The following RBMS3 variants were observed in gnomAD, a reference collection of about 807,000 sequenced individuals.
RBMS3 encodes RNA binding motif single stranded interacting protein 3.
A neutral mutation model predicts 66.8 loss-of-function variants in RBMS3; 27 were observed. That is an observed-to-expected ratio of 0.40 (90% CI 0.30 to 0.56). RBMS3 has a LOEUF of 0.56. Ranked by LOEUF, RBMS3 falls within the 20% of genes least tolerant of loss-of-function variation. RBMS3 has a pLI of 0.40. For synonymous variants in RBMS3, 188 were observed against 183.0 expected (o/e 1.03, Z -0.22); for missense variants, 513 against 549.5 (o/e 0.93, Z 0.66).
At chr3:29,718,768 A>C (rs2053517394) in intron 4 of RBMS3, among the ~76,000 whole-genome samples, 1 of 152,302 alleles carries the variant, frequency 6.6e-6, no homozygotes, top group Middle Eastern at 3.4e-3. Context: ...AGGTAGGCCA[A>C]GGAGATGTGC....
chr3:29,887,992 A>G (rs2059912469), intron 8 of RBMS3, among the ~76,000 whole-genome samples: 1 of 151,788 alleles, frequency 6.6e-6, no homozygotes. Context: ...AGCCTAGAAC[A>G]CAGTGAGCAT....
intron 5 of RBMS3, among the ~76,000 whole-genome samples, chr3:29,742,944 G>T (rs1007703151): frequency 1.5e-4 from 23 of 152,162 alleles, no homozygotes; most frequent in African/African-American, 5.3e-4. Context: ...TTCAAGTCAA[G>T]CCACTGATTT....
intron 7 of RBMS3, among the ~76,000 whole-genome samples, chr3:29,877,719 T>C (rs1478809684): frequency 6.6e-6 from 1 of 152,056 alleles, no homozygotes; most frequent in Non-Finnish European, 1.5e-5. Flanking sequence ...AACAAACCAT[T>C]CAGTAGTCTC....
At chr3:29,405,032 A>T (rs966712155) in intron 1 of RBMS3, among the ~76,000 whole-genome samples, 1 of 152,042 alleles carries the variant, frequency 6.6e-6, no homozygotes, top group African/African-American at 2.4e-5. Flanking sequence ...AACCACAATA[A>T]CCATGGATAA....
chr3:29,730,482 G>A (rs2054084162), intron 4 of RBMS3, among the ~76,000 whole-genome samples: 2 of 152,130 alleles, frequency 1.3e-5, no homozygotes, highest in Non-Finnish European at 2.9e-5. Flanking sequence ...ATATAAAAAT[G>A]TTTTGCATCT....
At chr3:29,667,446 A>C (rs953117792) in intron 4 of RBMS3, among the ~76,000 whole-genome samples, 3 of 152,150 alleles carry the variant, frequency 2.0e-5, no homozygotes, top group Non-Finnish European at 4.4e-5. Flanking sequence ...CAAAACTCTG[A>C]GAGTGGGGCC....
intron 6 of RBMS3, among the ~76,000 whole-genome samples, chr3:29,781,109 T>TC (rs2056616855): frequency 1.7e-5 from 2 of 118,374 alleles, no homozygotes; most frequent in South Asian, 7.1e-4. Flanking sequence ...ATGCTATCCC[T>TC]CCCCCCTCCC....
At chr3:29,764,530 G>A (rs1458426939) in intron 6 of RBMS3, among the ~76,000 whole-genome samples, 1 of 151,820 alleles carries the variant, frequency 6.6e-6, no homozygotes, top group East Asian at 1.9e-4. Flanking sequence ...GTTCAAACTA[G>A]GTGTAAATTA....
rs749839563 is a variant in RBMS3 at position 29,648,263 on chromosome 3, A to ATTTTTTTTT, written c.399+61072_399+61080dup. Among the ~76,000 whole-genome samples the ATTTTTTTTT allele has an allele frequency of 6.2e-4, 48 of 77,636 alleles. 2 individuals are homozygous for ATTTTTTTTT. The highest frequency in any genetic ancestry group is 2.5e-3 in the East Asian group (6 of 2,440). 50.9% of individuals were successfully genotyped at this position (77,636 alleles called of 152,430 possible). A position where few individuals can be genotyped will look rare whatever the true frequency, so the allele number is the denominator to read the frequency against. ...AACATAGGGAAAATAGAAAATGTCTATTTTTTTTTTTTTTTTTTTTTTGCG... is the reference window on the plus strand; with the variant it reads ...AACATAGGGAAAATAGAAAATGTCTATTTTTTTTTTTTTTTTTTTTTTTTTTTTTTTGCG... On this transcript the variant is annotated intron_variant, in intron 4 of 14. Transcript: ENST00000383767.
chr3:29,313,964 G>T (rs879784393), intron 1 of RBMS3, among the ~76,000 whole-genome samples: 1 of 151,674 alleles, frequency 6.6e-6, no homozygotes, highest in Non-Finnish European at 1.5e-5. Flanking sequence ...CAAATACACA[G>T]AAATCTCCTT....
At chr3:29,381,415 A>G (rs1363432448) in intron 1 of RBMS3, among the ~76,000 whole-genome samples, 2 of 152,144 alleles carry the variant, frequency 1.3e-5, no homozygotes, top group Admixed American at 6.5e-5. Flanking sequence ...GTACTCTTCT[A>G]GCTGTAACCT....
intron 12 of RBMS3, among the ~76,000 whole-genome samples, chr3:29,955,235 G>A (rs993052863): frequency 1.8e-4 from 28 of 151,870 alleles, no homozygotes; most frequent in Admixed American, 6.6e-5. Flanking sequence ...CGAAGTGAAG[G>A]GGTATGTGTC....
intron 6 of RBMS3, among the ~76,000 whole-genome samples, chr3:29,798,595 TG>T (rs2057291242): frequency 1.3e-5 from 2 of 152,072 alleles, no homozygotes; most frequent in Admixed American, 1.3e-4. Context: ...GAATAGGAGG[TG>T]TTTCCTAGAA....
chr3:29,382,016 G>A (rs1037145617), intron 1 of RBMS3, among the ~76,000 whole-genome samples: 2 of 152,072 alleles, frequency 1.3e-5, no homozygotes, highest in Non-Finnish European at 2.9e-5. Context: ...AACTTCTGAT[G>A]AAAAATCAGT....
intron 1 of RBMS3, among the ~76,000 whole-genome samples, chr3:29,409,247 C>T (rs1270363573): frequency 6.6e-6 from 1 of 152,164 alleles, no homozygotes; most frequent in Non-Finnish European, 1.5e-5. Context: ...CTCTGCTCCA[C>T]GTGGTACCAA....
At chr3:29,609,357 G>C (rs762577012) in intron 4 of RBMS3, among the ~76,000 whole-genome samples, 18 of 151,886 alleles carry the variant, frequency 1.2e-4, no homozygotes, top group Non-Finnish European at 1.2e-4. Context: ...CTCAATGAAA[G>C]AACTGATGAA....
At chr3:29,607,800 C>G (rs1559505668) in intron 4 of RBMS3, among the ~76,000 whole-genome samples, 1 of 151,822 alleles carries the variant, frequency 6.6e-6, no homozygotes, top group African/African-American at 2.4e-5. Context: ...AAAATCTAAC[C>G]AATTAATTAA....
chr3:29,729,582 G>A (rs1181246203), intron 4 of RBMS3, among the ~76,000 whole-genome samples: 1 of 152,058 alleles, frequency 6.6e-6, no homozygotes, highest in Non-Finnish European at 1.5e-5. Context: ...TACAATGGTT[G>A]AACTAATTTA....
At chr3:29,846,837 A>T (rs2058792269) in intron 6 of RBMS3, among the ~76,000 whole-genome samples, 1 of 152,192 alleles carries the variant, frequency 6.6e-6, no homozygotes, top group African/African-American at 2.4e-5. Flanking sequence ...ACAAAGAGGA[A>T]TTTTTACTAA....
Sources: allele counts gnomAD v4.1 joint callset (sites outside exome capture counted in the v4.1 genomes callset), GRCh38; gene constraint gnomAD v4.1.1; transcripts MANE v1.5; gene names NCBI Gene and HGNC (gene_info 2026-07-23, HGNC 2026-07-21).